CRYBG1: variants seen among roughly 807,000 people sequenced by gnomAD.
The protein encoded by CRYBG1 is beta/gamma crystallin domain-containing protein 1.
In CRYBG1, 139 loss-of-function variants were observed where a neutral mutation model predicts 189.2. The ratio of observed to expected loss-of-function variants is 0.73; its 90% CI spans 0.64 to 0.85. CRYBG1 has a LOEUF of 0.85. Ranked by LOEUF, CRYBG1 falls within the 40% of genes least tolerant of loss-of-function variation. CRYBG1 has a pLI of 0.00. For synonymous variants in CRYBG1, 1,023 were observed against 1,017.1 expected, an observed-to-expected ratio of 1.01 and a Z score of -0.11; for missense variants, 2,611 against 2,675.8, an observed-to-expected ratio of 0.98 and a Z score of 0.53.
intron 1 of CRYBG1, among the ~76,000 whole-genome samples, chr6:106,422,293 T>A (rs1482519401): frequency 6.7e-6 from 1 of 149,058 alleles, no homozygotes; most frequent in African/African-American, 2.6e-5. Context: ...GTTTAATACC[T>A]TTCTAATCAA....
At chr6:106,516,904 G>T (rs1773435973) in intron 3 of CRYBG1, among the ~76,000 whole-genome samples, 1 of 151,628 alleles carries the variant, frequency 6.6e-6, no homozygotes. Flanking sequence ...TATTAATTAA[G>T]TAAGCCCGAT....
intron 2 of CRYBG1, among the ~76,000 whole-genome samples, chr6:106,461,489 T>A (rs532203916): frequency 1.4e-4 from 21 of 152,322 alleles, no homozygotes; most frequent in African/African-American, 5.1e-4. Flanking sequence ...TCTGAGGCCA[T>A]TGAGAGAGGA....
At chr6:106,383,243 A>C (rs1770320612) in intron 1 of CRYBG1, among the ~76,000 whole-genome samples, 1 of 152,204 alleles carries the variant, frequency 6.6e-6, no homozygotes, top group African/African-American at 2.4e-5. Context: ...GTTCCTCTAG[A>C]AATTCAAATT....
chr6:106,436,174 G>A (rs1257434584), intron 1 of CRYBG1, among the ~76,000 whole-genome samples: 6 of 96,962 alleles, frequency 6.2e-5, no homozygotes, highest in Non-Finnish European at 9.9e-5. Context: ...TGTCAATTTC[G>A]GAAAATACAG....
chr6:106,544,663 A>T lies in CRYBG1; in HGVS notation c.5132A>T (p.Asn1711Ile). 2 of 1,614,130 alleles carry T rather than the reference A, an allele frequency of 1.2e-6. No individual in the cohort carries two copies. Among genetic ancestry groups the T allele is most frequent in the South Asian group, 2.2e-5 (2 of 91,070 alleles). ...GACTGGAAAGCCTGGGGAGGTTACA[A>T]TGGAGAGCTTCAGTCTTTACGACCT... ...YRDWKAWGGY[N>I]GELQSLRPIL... Residue 1711 changes from asparagine to isoleucine, a missense_variant, in exon 12 of 22, where the codon AAT becomes ATT. By Grantham distance (149) the Asn-to-Ile change is moderately radical. Transcript: ENST00000633556.
At chr6:106,408,249 A>T (rs1770861312) in intron 1 of CRYBG1, among the ~76,000 whole-genome samples, 1 of 152,240 alleles carries the variant, frequency 6.6e-6, no homozygotes, top group South Asian at 2.1e-4. Flanking sequence ...AAACACTGCT[A>T]TGCAAATTAA....
intron 1 of CRYBG1, among the ~76,000 whole-genome samples, chr6:106,410,368 G>A (rs2114370474): frequency 1.3e-5 from 2 of 152,288 alleles, no homozygotes; most frequent in Middle Eastern, 3.4e-3. Context: ...AAAGAGTCAG[G>A]AAACAACAGA....
rs1480592113 is a variant in CRYBG1 at position 106,511,848 on chromosome 6, C to T, written c.731C>T (p.Pro244Leu). ...GAACCTCTGGAGGCAGAGGGAGAGC[C>T]TTTCCCAGATGCCACCACCACTGCC... ...QLEPLEAEGEPFPDATTTAKQ... is the reference protein window; with the variant it reads ...QLEPLEAEGELFPDATTTAKQ... The change falls in exon 3 of 22, where the codon CCT (proline) becomes CTT (leucine). Residue 244 changes from proline to leucine, a missense_variant. Physicochemically the swap from Pro to Leu is moderately conservative, Grantham distance 98 (BLOSUM62 -3). Around this residue, in one of 3 missense-constraint regions of CRYBG1, gnomAD observed 985 missense variants for 924.4 expected, o/e 1.07. Coordinates refer to ENST00000633556, the MANE Select transcript of CRYBG1 (RefSeq NM_001371242.2). 2 of 1,515,000 alleles carry T rather than the reference C, an allele frequency of 1.3e-6. No individual in the cohort carries two copies. Among genetic ancestry groups the T allele is most frequent in the South Asian group, 2.4e-5 (2 of 82,018 alleles). The allele number at this position is 1,515,000 out of a possible 1,614,324, so 93.8% of individuals were successfully genotyped here. A position where few individuals can be genotyped will look rare whatever the true frequency, so the allele number is the denominator to read the frequency against.
At chr6:106,392,864 T>A (rs1391642429) in intron 1 of CRYBG1, among the ~76,000 whole-genome samples, 2 of 152,102 alleles carry the variant, frequency 1.3e-5, no homozygotes, top group Non-Finnish European at 2.9e-5. Flanking sequence ...AACCTCCGCC[T>A]TCTGGGTTCA....
In CRYBG1 at chr6:106,448,528, C is replaced by T. The variant is rs368263086; in HGVS notation, c.174-3166C>T. 4.1e-4 allele frequency among the ~76,000 whole-genome samples: 62 copies of T among 152,182 alleles called. 1 individual carries two copies. Among genetic ancestry groups the T allele is most frequent in the African/African-American group, 1.4e-3 (59 of 41,522 alleles). ...CACACTGTGTCGACTTAGTTTATCC[C>T]CCAAATCAGGAGAGCAGGCAGGTTC... On this transcript the variant is annotated intron_variant, in intron 1 of 21. Transcript: ENST00000633556.
At chr6:106,497,552 T>G (rs62420853) in intron 2 of CRYBG1, among the ~76,000 whole-genome samples, 29,505 of 152,228 alleles carry the variant, frequency 0.19, 3,407 homozygotes, top group South Asian at 0.3. Flanking sequence ...CCTGTTCATG[T>G]TTACGTGTGT....
chr6:106,421,640 T>C (rs1359462110), intron 1 of CRYBG1, among the ~76,000 whole-genome samples: 2 of 152,258 alleles, frequency 1.3e-5, no homozygotes, highest in East Asian at 3.9e-4. Context: ...TCTTGTCCTG[T>C]TAATCTATGG....
At chr6:106,374,181 T>C (rs565677674) in intron 1 of CRYBG1, among the ~76,000 whole-genome samples, 1 of 152,200 alleles carries the variant, frequency 6.6e-6, no homozygotes, top group Non-Finnish European at 1.5e-5. Context: ...CCCTATCTTC[T>C]AGAGAAGCTG....
At chr6:106,515,374 T>G (rs1012282546) in intron 3 of CRYBG1, among the ~76,000 whole-genome samples, 1 of 152,258 alleles carries the variant, frequency 6.6e-6, no homozygotes, top group African/African-American at 2.4e-5. Flanking sequence ...GTAAAATTTA[T>G]TCTGATCTTC....
In CRYBG1 at chr6:106,569,576, AG is replaced by A. The variant is rs1169924492; in HGVS notation, c.*1013del. 1 of 152,160 alleles carries A rather than the reference AG, an allele frequency of 6.6e-6. No individual in the cohort carries two copies. The highest frequency in any genetic ancestry group is 2.4e-5 in the African/African-American group (1 of 41,428). 9.4% of individuals were successfully genotyped at this position (152,160 alleles called of 1,614,324 possible). A position where few individuals can be genotyped will look rare whatever the true frequency, so the allele number is the denominator to read the frequency against. ...GGGCTGCCCTAGAATGTCACAAATG[AG>A]GGTTGTTTAATGCCTTTCTTATAGC... On this transcript the variant is annotated 3_prime_UTR_variant, in exon 22 of 22. Coordinates refer to ENST00000633556, the MANE Select transcript of CRYBG1 (RefSeq NM_001371242.2).
rs772116058 is a variant in CRYBG1, at chr6:106,551,945, T to C, written c.5406T>C (p.Asn1802=). The part of the protein sequence containing the change: ...YTSFEDWGGK[N]CKISSVQPIC... ...GTTTTGAGGACTGGGGAGGCAAAAA[T>C]TGTAAGATCTCTTCTGTTCAACCTA... The change falls in exon 14 of 22, where the codon AAT becomes AAC. Residue 1802 remains asparagine (N), a synonymous_variant. Coordinates refer to ENST00000633556, the MANE Select transcript of CRYBG1 (RefSeq NM_001371242.2). 1 of 1,611,364 alleles carries C rather than the reference T, an allele frequency of 6.2e-7. No individual in the cohort carries two copies. The highest frequency in any genetic ancestry group is 8.5e-7 in the Non-Finnish European group (1 of 1,177,902).
chr6:106,394,502 G>A (rs762685135), intron 1 of CRYBG1, among the ~76,000 whole-genome samples: 1 of 152,118 alleles, frequency 6.6e-6, no homozygotes, highest in East Asian at 1.9e-4. Context: ...TGTTACTAAG[G>A]GATTGTTTTA....
Position 106,561,350 on chromosome 6 carries a change from TTA to T in CRYBG1, c.5990_5991del (p.Tyr1997PhefsTer36). 1.2e-6 allele frequency: 2 copies of T among 1,613,834 alleles called. No individual in the cohort carries two copies. Among genetic ancestry groups the T allele is most frequent in the Non-Finnish European group, 1.7e-6 (2 of 1,179,890 alleles). ...GGGGTTTTGTCTTCTAGAAGCGAAT[TTA>T]TTTCAGACTTCGAAACAAAGCAACA... The part of the protein sequence containing the change: ...SLRPFVQKRI[Y>X]FRLRNKATGL... On this transcript the variant is annotated frameshift_variant, in exon 20 of 22. Coordinates refer to ENST00000633556, the MANE Select transcript of CRYBG1 (RefSeq NM_001371242.2). LOFTEE classifies it high-confidence loss of function.
intron 1 of CRYBG1, among the ~76,000 whole-genome samples, chr6:106,431,464 G>A (rs1055270291): frequency 6.6e-6 from 1 of 151,720 alleles, no homozygotes; most frequent in Admixed American, 6.6e-5. Flanking sequence ...ATACCTTTGG[G>A]ACAAGCCTGC....
Sources: gnomAD v4.1 joint callset for allele counts (sites outside exome capture counted in the v4.1 genomes callset) on GRCh38, gnomAD v4.1.1 for gene constraint, gnomAD v4.1.1 regional missense constraint, MANE v1.5 for transcripts, NCBI Gene and HGNC (gene_info 2026-07-23, HGNC 2026-07-21) for gene names.